Variants in CPSF4L observed in about 807,000 individuals in gnomAD.
The protein encoded by CPSF4L is putative cleavage and polyadenylation specificity factor subunit 4-like protein.
CPSF4L carries 18 observed loss-of-function variants against 24.0 expected under a neutral mutation model. The ratio of observed to expected loss-of-function variants is 0.75; its 90% CI spans 0.52 to 1.11. The LOEUF (loss-of-function observed/expected upper bound fraction) is 1.11. CPSF4L is among the 50% of genes least tolerant of loss of function. The pLI is 0.00. For synonymous variants in CPSF4L, 72 were observed against 77.2 expected, an observed-to-expected ratio of 0.93 and a Z score of 0.35; for missense variants, 211 against 221.8, an observed-to-expected ratio of 0.95 and a Z score of 0.31.
At chr17:73,256,893 G>C (rs1211338123) in intron 3 of CPSF4L, among the ~76,000 whole-genome samples, 3 of 152,166 alleles carry the variant, frequency 2.0e-5, no homozygotes, top group Admixed American at 6.5e-5. Context: ...CGGGCATGTT[G>C]GTGGGTACCT....
intron 4 of CPSF4L, 103 bp from the exon 5 acceptor site, chr17:73,252,826 T>C: frequency 1.5e-6 from 1 of 686,558 alleles, no homozygotes; most frequent in South Asian, 1.9e-5. Flanking sequence ...CATAGGGGCT[T>C]CACTTAATAG....
At chr17:73,244,573 A>AAC (rs2145248096), downstream of CPSF4L, 1 of 151,610 alleles carries the variant, frequency 6.6e-6, no homozygotes, top group East Asian at 1.9e-4. Flanking sequence ...AAAAAAAAAA[A>AAC]AAAAAAAAAA....
At chr17:73,259,978 G>A (rs1023560193) in intron 2 of CPSF4L, among the ~76,000 whole-genome samples, 10 of 152,198 alleles carry the variant, frequency 6.6e-5, no homozygotes, top group African/African-American at 2.4e-4. Flanking sequence ...TGAGCCATGA[G>A]CCAGAAGAAA....
chr17:73,251,307 G>A (rs148120719), intron 5 of CPSF4L, among the ~76,000 whole-genome samples: 8 of 152,168 alleles, frequency 5.3e-5, no homozygotes, highest in African/African-American at 1.4e-4. Flanking sequence ...TAAATTCCCC[G>A]CAGTCCCACA....
At chr17:73,253,380 C>G (rs772211017) in intron 4 of CPSF4L, among the ~76,000 whole-genome samples, 2 of 152,186 alleles carry the variant, frequency 1.3e-5, no homozygotes, top group Non-Finnish European at 2.9e-5. Flanking sequence ...TACTGATCTT[C>G]TCAGCAGCCC....
At chr17:73,244,962 A>T (rs2061925518), downstream of CPSF4L, among the ~76,000 whole-genome samples, 1 of 152,242 alleles carries the variant, frequency 6.6e-6, no homozygotes, top group Non-Finnish European at 1.5e-5. Context: ...GGCTTTTCTT[A>T]AAGTTTTACC....
intron 5 of CPSF4L, chr17:73,248,798 GT>G (rs1192364271): frequency 5.0e-6 from 2 of 403,324 alleles, no homozygotes; most frequent in Non-Finnish European, 8.8e-6. Context: ...GAAAGACTGA[GT>G]TTACTTGGGA....
chr17:73,249,302 C>T (rs1053400743), intron 5 of CPSF4L, among the ~76,000 whole-genome samples: 1 of 152,140 alleles, frequency 6.6e-6, no homozygotes, highest in African/African-American at 2.4e-5. Context: ...GTGCCGAGTG[C>T]CATGCAAGGT....
At chr17:73,255,458 G>C (rs1265774851) in intron 3 of CPSF4L, among the ~76,000 whole-genome samples, 1 of 147,844 alleles carries the variant, frequency 6.8e-6, no homozygotes, top group Non-Finnish European at 1.5e-5. Context: ...AGTGAGTCGA[G>C]ATTGTGCCAT....
chr17:73,257,892 A>G (rs972889862), intron 2 of CPSF4L, 59 bp from the exon 3 acceptor site: 2 of 1,534,836 alleles, frequency 1.3e-6, no homozygotes, highest in Non-Finnish European at 1.8e-6. Flanking sequence ...GGCCCAGCTC[A>G]GCCCTCCAGG....
chr17:73,246,984 A>G (rs910655634), downstream of CPSF4L, among the ~76,000 whole-genome samples: 4 of 152,138 alleles, frequency 2.6e-5, no homozygotes, highest in Admixed American at 1.3e-4. Flanking sequence ...GGTAGATGAG[A>G]ATGACCTTCA....
At chr17:73,259,329 G>A (rs2062036068) in intron 2 of CPSF4L, among the ~76,000 whole-genome samples, 1 of 148,186 alleles carries the variant, frequency 6.7e-6, no homozygotes, top group South Asian at 2.2e-4. Context: ...GGCTAGGGGA[G>A]GTGTTCTTTC....
intron 5 of CPSF4L, chr17:73,250,928 C>G: frequency 7.1e-7 from 1 of 1,417,804 alleles, no homozygotes; most frequent in Non-Finnish European, 9.4e-7. Context: ...GCCCTCCCAG[C>G]TCTCAGCCAA....
At chr17:73,251,003 G>A in intron 5 of CPSF4L, 1 of 1,548,086 alleles carries the variant, frequency 6.5e-7, no homozygotes, top group Non-Finnish European at 8.7e-7. Context: ...CTTGACCCCT[G>A]ATCCCCAGGC....
chr17:73,257,842 G>A lies in CPSF4L; in HGVS notation c.155-9C>T, dbSNP rs2145281363. ...GAAGGGGCAGAGTTTCCCTGGAGATGCCAGAGCACCTGGCTGGGAGGCCCC... is the reference window on the plus strand; with the variant it reads ...GAAGGGGCAGAGTTTCCCTGGAGATACCAGAGCACCTGGCTGGGAGGCCCC... On this transcript the variant is annotated splice_polypyrimidine_tract_variant and intron_variant, in intron 2 of 5. Coordinates refer to ENST00000344935, the MANE Select transcript of CPSF4L (RefSeq NM_001129885.1). 6.4e-7 allele frequency: 1 copy of A among 1,551,122 alleles called. No homozygotes were observed.
At chr17:73,252,245 C>G (rs1359451249) in intron 5 of CPSF4L, among the ~76,000 whole-genome samples, 2 of 152,228 alleles carry the variant, frequency 1.3e-5, no homozygotes, top group African/African-American at 2.4e-5. Flanking sequence ...GCCCTCCCAT[C>G]TTCTGCTCAT....
At chr17:73,263,717 G>A (rs1005621086), upstream of CPSF4L, among the ~76,000 whole-genome samples, 4 of 151,540 alleles carry the variant, frequency 2.6e-5, no homozygotes, top group East Asian at 5.8e-4. Flanking sequence ...CCACCACAGG[G>A]CTCTGAGAAC....
chr17:73,242,274 T>A, the CPSF4L span: 1 of 1,603,634 alleles, frequency 6.2e-7, no homozygotes, highest in Admixed American at 1.8e-5. Flanking sequence ...TCAACTCATA[T>A]AAGGAGTTTG....
chr17:73,252,818 T>C (rs2062010892), intron 4 of CPSF4L, 95 bp from the exon 5 acceptor site: 7 of 745,894 alleles, frequency 9.4e-6, no homozygotes, highest in South Asian at 1.8e-5. Flanking sequence ...TGGATGGTCA[T>C]AGGGGCTTCA....
Sources: allele counts gnomAD v4.1 joint callset (sites outside exome capture counted in the v4.1 genomes callset), GRCh38; gene constraint gnomAD v4.1.1; transcripts MANE v1.5; gene names NCBI Gene and HGNC (gene_info 2026-07-23, HGNC 2026-07-21).